ARL15: variants seen among roughly 807,000 people sequenced by gnomAD.
ARL15 encodes ADP-ribosylation factor-like protein 15.
In ARL15, 19 loss-of-function variants were observed where a neutral mutation model predicts 25.2. The observed-to-expected ratio is 0.75, with a 90% CI of 0.53 to 1.10. The LOEUF is 1.10. ARL15 is among the 50% of genes least tolerant of loss of function. The pLI is 0.00. For synonymous variants in ARL15, 94 were observed against 86.8 expected (o/e 1.08, Z -0.46); for missense variants, 220 against 246.0 (o/e 0.89, Z 0.71).
intron 4 of ARL15, among the ~76,000 whole-genome samples, chr5:53,994,405 A>G (rs1453090664): frequency 2.0e-5 from 3 of 152,216 alleles, no homozygotes; most frequent in Non-Finnish European, 4.4e-5. Flanking sequence ...GACCACCCAA[A>G]TGTATTATTA....
intron 4 of ARL15, among the ~76,000 whole-genome samples, chr5:54,017,067 C>T (rs1749448170): frequency 1.3e-5 from 2 of 152,226 alleles, no homozygotes; most frequent in Non-Finnish European, 2.9e-5. Flanking sequence ...TGGATTTGCT[C>T]CGCCTTTGTC....
At chr5:53,957,584 C>T (rs1386631518) in intron 4 of ARL15, among the ~76,000 whole-genome samples, 1 of 152,020 alleles carries the variant, frequency 6.6e-6, no homozygotes, top group Non-Finnish European at 1.5e-5. Flanking sequence ...GCCTATAATC[C>T]CAGCACTTTG....
intron 1 of ARL15, among the ~76,000 whole-genome samples, chr5:54,268,200 G>A (rs1187330186): frequency 2.0e-5 from 3 of 151,630 alleles, no homozygotes; most frequent in East Asian, 1.9e-4. Flanking sequence ...CTTCCTTCTC[G>A]CTTCATTTCA....
chr5:54,064,158 A>G (rs1751147393), intron 4 of ARL15, among the ~76,000 whole-genome samples: 1 of 152,182 alleles, frequency 6.6e-6, no homozygotes, highest in Non-Finnish European at 1.5e-5. Flanking sequence ...ACCAAGCACT[A>G]TTCCGCCTCT....
intron 2 of ARL15, among the ~76,000 whole-genome samples, chr5:54,159,658 C>T (rs1402213803): frequency 6.6e-6 from 1 of 152,156 alleles, no homozygotes; most frequent in Non-Finnish European, 1.5e-5. Flanking sequence ...TGGCTGAAGC[C>T]TAAGTTACGC....
chr5:54,005,748 G>C (rs1454704551), intron 4 of ARL15, among the ~76,000 whole-genome samples: 1 of 151,904 alleles, frequency 6.6e-6, no homozygotes. Flanking sequence ...TGTAGTCCCA[G>C]CTACTCGGGA....
intron 4 of ARL15, among the ~76,000 whole-genome samples, chr5:54,035,759 AAT>A (rs1488913714): frequency 1.2e-4 from 19 of 152,350 alleles, no homozygotes; most frequent in Admixed American, 2.0e-4. Flanking sequence ...TTTTTGTTTT[AAT>A]AGAGTCATAT....
At chr5:53,932,472 A>T (rs1746222981) in intron 4 of ARL15, among the ~76,000 whole-genome samples, 1 of 152,188 alleles carries the variant, frequency 6.6e-6, no homozygotes, top group South Asian at 2.1e-4. Context: ...TACTATTCCC[A>T]ATCTCAGGCT....
intron 1 of ARL15, among the ~76,000 whole-genome samples, chr5:54,272,070 A>AGACCT (rs1237186769): frequency 1.4e-5 from 2 of 143,504 alleles, no homozygotes; most frequent in African/African-American, 5.1e-5. Flanking sequence ...CAGCTTCCTG[A>AGACCT]ATAGCTAGGC....
intron 1 of ARL15, among the ~76,000 whole-genome samples, chr5:54,267,418 C>T (rs1192832173): frequency 6.6e-6 from 1 of 152,084 alleles, no homozygotes; most frequent in Non-Finnish European, 1.5e-5. Context: ...CAATGATCCT[C>T]GAAATTGTTT....
intron 4 of ARL15, among the ~76,000 whole-genome samples, chr5:53,976,853 G>A (rs1419597258): frequency 6.6e-6 from 1 of 152,156 alleles, no homozygotes; most frequent in African/African-American, 2.4e-5. Flanking sequence ...TCAAAGGATG[G>A]TATTTTTGAA....
chr5:54,138,625 C>T (rs933060226), intron 3 of ARL15, among the ~76,000 whole-genome samples: 1 of 151,990 alleles, frequency 6.6e-6, no homozygotes, highest in Non-Finnish European at 1.5e-5. Flanking sequence ...GGATTTATGA[C>T]TAAGACCCCA....
intron 4 of ARL15, among the ~76,000 whole-genome samples, chr5:53,887,698 C>T (rs765797136): frequency 3.9e-4 from 59 of 152,220 alleles, no homozygotes; most frequent in Admixed American, 5.9e-4. Context: ...TTAGTAGCAA[C>T]ATCAAAAGAG....
chr5:54,140,336 C>G (rs558607488), intron 3 of ARL15, among the ~76,000 whole-genome samples: 1 of 151,530 alleles, frequency 6.6e-6, no homozygotes, highest in East Asian at 1.9e-4. Context: ...TATGGTAATC[C>G]CACTACCAGC....
chr5:54,016,576 C>A (rs1254214134), intron 4 of ARL15, among the ~76,000 whole-genome samples: 1 of 152,190 alleles, frequency 6.6e-6, no homozygotes, highest in Non-Finnish European at 1.5e-5. Context: ...GTCTTTAACA[C>A]CGGCTCCCCA....
chr5:54,274,125 T>C (rs1757860368), intron 1 of ARL15, among the ~76,000 whole-genome samples: 1 of 152,088 alleles, frequency 6.6e-6, no homozygotes, highest in Admixed American at 6.5e-5. Flanking sequence ...GTCTAGTTCC[T>C]GGCTTGGCAG....
chr5:54,201,061 A>C (rs1182978148), intron 1 of ARL15, among the ~76,000 whole-genome samples: 1 of 151,762 alleles, frequency 6.6e-6, no homozygotes, highest in Non-Finnish European at 1.5e-5. Flanking sequence ...AAAAAAAAAG[A>C]GTTGAGTGAT....
intron 4 of ARL15, among the ~76,000 whole-genome samples, chr5:53,919,904 C>G (rs1456879254): frequency 6.6e-6 from 1 of 152,054 alleles, no homozygotes; most frequent in Non-Finnish European, 1.5e-5. Flanking sequence ...AATCTTGAAC[C>G]GACGAGTCAG....
At chr5:54,146,566 A>G (rs1307534314) in intron 3 of ARL15, among the ~76,000 whole-genome samples, 1 of 152,180 alleles carries the variant, frequency 6.6e-6, no homozygotes, top group African/African-American at 2.4e-5. Flanking sequence ...ATTAGTTGCT[A>G]TTATGGCAAT....
Sources: allele counts gnomAD v4.1 joint callset (sites outside exome capture counted in the v4.1 genomes callset), GRCh38; gene constraint gnomAD v4.1.1; transcripts MANE v1.5; gene names NCBI Gene and HGNC (gene_info 2026-07-23, HGNC 2026-07-21).